Variants in CTNND2 observed in about 807,000 individuals in gnomAD.
CTNND2 encodes the protein catenin delta 2.
A neutral mutation model predicts 144.4 loss-of-function variants in CTNND2; 22 were observed. The ratio of observed to expected loss-of-function variants is 0.15; its 90% CI spans 0.11 to 0.22. The LOEUF is 0.22. Among genes scored for constraint, CTNND2 ranks in the 10% least tolerant of loss-of-function variants. The pLI, the probability that CTNND2 is intolerant of heterozygous loss-of-function variation, is 1.00. For missense variants in CTNND2, 1,353 were observed against 1,618.8 expected (o/e 0.84, Z 2.82); for synonymous variants, 751 against 695.6 (o/e 1.08, Z -1.25).
At chr5:11,520,253 A>C (rs1420178562) in intron 3 of CTNND2, among the ~76,000 whole-genome samples, 1 of 152,108 alleles carries the variant, frequency 6.6e-6, no homozygotes, top group Non-Finnish European at 1.5e-5. Context: ...TGCATGCTGC[A>C]CCCCTCAGTA....
At chr5:11,327,250 G>A (rs1752624448) in intron 9 of CTNND2, among the ~76,000 whole-genome samples, 1 of 152,178 alleles carries the variant, frequency 6.6e-6, no homozygotes, top group Admixed American at 6.6e-5. Flanking sequence ...CTTTCAGCAA[G>A]TATAAGTGAT....
At chr5:11,590,544 T>C (rs1267708287) in intron 2 of CTNND2, among the ~76,000 whole-genome samples, 5 of 152,054 alleles carry the variant, frequency 3.3e-5, no homozygotes, top group Non-Finnish European at 5.9e-5. Context: ...CTTTGTGATA[T>C]TCCCCCGTCC....
At chr5:11,283,272 G>A (rs981344427) in intron 9 of CTNND2, among the ~76,000 whole-genome samples, 2 of 152,028 alleles carry the variant, frequency 1.3e-5, no homozygotes, top group African/African-American at 4.8e-5. Context: ...CCCATGCCCA[G>A]TGTACAAGTA....
chr5:11,207,960 C>T (rs1345678696), intron 10 of CTNND2, among the ~76,000 whole-genome samples: 1 of 151,906 alleles, frequency 6.6e-6, no homozygotes, highest in Non-Finnish European at 1.5e-5. Flanking sequence ...ATGAAAAAAC[C>T]TTTTGGAATT....
chr5:11,748,048 A>C (rs146849341), intron 1 of CTNND2, among the ~76,000 whole-genome samples: 272 of 152,274 alleles, frequency 1.8e-3, no homozygotes, highest in African/African-American at 6.4e-3. Flanking sequence ...CACTCAGCCC[A>C]TATGTTTAAC....
intron 2 of CTNND2, among the ~76,000 whole-genome samples, chr5:11,631,123 A>G (rs557890316): frequency 6.3e-4 from 96 of 152,266 alleles, no homozygotes; most frequent in Non-Finnish European, 1.2e-3. Flanking sequence ...AAGAAAGTCC[A>G]TTCAATAAAG....
In CTNND2 at chr5:11,682,521, T is replaced by G. The variant is rs79208458; in HGVS notation, c.174+49615A>C. Among the ~76,000 whole-genome samples the G allele has an allele frequency of 8.5e-3, 1,302 of 152,352 alleles. 19 individuals carry two copies. Among genetic ancestry groups the G allele is most frequent in the African/African-American group, 0.03 (1,252 of 41,578 alleles). On this transcript the variant is annotated intron_variant, in intron 2 of 21. Coordinates refer to ENST00000304623, the MANE Select transcript of CTNND2 (RefSeq NM_001332.4). The stretch of plus-strand genomic sequence containing the variant: ...CAAATGTATACTGGAAGGATATTTC[T>G]TTGTGTAAATTTAGAGAAAAAAGGT...
chr5:11,704,159 T>A (rs1054572971), intron 2 of CTNND2, among the ~76,000 whole-genome samples: 8 of 152,218 alleles, frequency 5.3e-5, no homozygotes, highest in African/African-American at 1.9e-4. Context: ...ATTAATTATC[T>A]AAGAAGCCTC....
rs142913401 is a variant in CTNND2 at position 11,573,166 on chromosome 5, A to G, written c.175-8110T>C. On this transcript the variant is annotated intron_variant, in intron 2 of 21. Transcript: ENST00000304623. ...CCTTATTGAGTCAACATTGGAATAA[A>G]TAAGTTAATACATGTGAAGCACTTA... 2.7e-3 allele frequency among the ~76,000 whole-genome samples: 418 copies of G among 152,332 alleles called. 1 individual carries two copies. The highest frequency in any genetic ancestry group is 9.6e-3 in the African/African-American group (401 of 41,580).
intron 1 of CTNND2, among the ~76,000 whole-genome samples, chr5:11,859,523 C>T (rs1219525702): frequency 1.3e-5 from 2 of 152,134 alleles, no homozygotes; most frequent in Non-Finnish European, 2.9e-5. Flanking sequence ...TATGTCTACA[C>T]GGCTCTGGGG....
At chr5:11,419,138 C>T (rs189467008) in intron 3 of CTNND2, among the ~76,000 whole-genome samples, 13 of 151,564 alleles carry the variant, frequency 8.6e-5, no homozygotes, top group Non-Finnish European at 1.3e-4. Context: ...GGTGGCTCTA[C>T]AGGGGGTCAG....
intron 3 of CTNND2, among the ~76,000 whole-genome samples, chr5:11,462,055 C>T (rs1766269465): frequency 6.6e-6 from 1 of 152,048 alleles, no homozygotes; most frequent in Non-Finnish European, 1.5e-5. Flanking sequence ...GACCAGATCA[C>T]AGTGGTTTCA....
chr5:11,742,025 TAC>T (rs1248251473), intron 1 of CTNND2, among the ~76,000 whole-genome samples: 1 of 150,920 alleles, frequency 6.6e-6, no homozygotes, highest in African/African-American at 2.4e-5. Flanking sequence ...ATAATAATAA[TAC>T]AATGGACTTT....
At chr5:11,657,558 G>C (rs986751149) in intron 2 of CTNND2, among the ~76,000 whole-genome samples, 2 of 151,786 alleles carry the variant, frequency 1.3e-5, no homozygotes, top group African/African-American at 4.8e-5. Context: ...AGTGTCTCAG[G>C]TTTTATGAGT....
Position 11,588,904 on chromosome 5 carries a change from C to T in CTNND2, c.175-23848G>A, listed in dbSNP as rs542935669. The T allele has an allele frequency of 1.3e-4, 124 of 985,360 alleles. No individual in the cohort carries two copies. The African/African-American group carries it at 1.9e-3, about 15-fold the overall frequency. The allele number at this position is 985,360 out of a possible 1,614,324, so 61.0% of individuals were successfully genotyped here. ...ACCTCCCTCCTCCCTCCCTGCACCA[C>T]GGCTAAAAGGAACCACAGAGCAGCT... is the stretch of plus-strand genomic sequence containing the variant. On this transcript the variant is annotated intron_variant, in intron 2 of 21. Coordinates refer to ENST00000304623, the MANE Select transcript of CTNND2 (RefSeq NM_001332.4).
Position 11,787,247 on chromosome 5 carries a change from C to T in CTNND2, c.38-54975G>A, listed in dbSNP as rs114084280. Among the ~76,000 whole-genome samples, 1,080 of 152,320 alleles carry T rather than the reference C, an allele frequency of 7.1e-3. 7 individuals are homozygous for T. The highest frequency in any genetic ancestry group is 0.013 in the Non-Finnish European group (874 of 68,030). ...ACTAGAGCTAAGCAAAACTGTTACG[C>T]ATGTGCACAACTAGTTTGGACAGTC... On this transcript the variant is annotated intron_variant, in intron 1 of 21. Coordinates refer to ENST00000304623, the MANE Select transcript of CTNND2 (RefSeq NM_001332.4).
chr5:11,172,661 T>C (rs16901347), intron 11 of CTNND2, among the ~76,000 whole-genome samples: 37,182 of 152,126 alleles, frequency 0.24, 5,888 homozygotes, highest in African/African-American at 0.46. Flanking sequence ...ATGTGGTATG[T>C]GGTTAAGGAT....
At chr5:11,770,869 G>C (rs1164472161) in intron 1 of CTNND2, among the ~76,000 whole-genome samples, 1 of 152,108 alleles carries the variant, frequency 6.6e-6, no homozygotes, top group African/African-American at 2.4e-5. Context: ...TGAGAAGAGA[G>C]ACAGAGACTG....
At chr5:11,275,238 G>T (rs539899640) in intron 9 of CTNND2, among the ~76,000 whole-genome samples, 1 of 152,272 alleles carries the variant, frequency 6.6e-6, no homozygotes, top group Non-Finnish European at 1.5e-5. Context: ...GAGTCACAAA[G>T]ACACAAGTAA....
Sources: allele counts gnomAD v4.1 joint callset (sites outside exome capture counted in the v4.1 genomes callset), GRCh38; gene constraint gnomAD v4.1.1; transcripts MANE v1.5; gene names NCBI Gene and HGNC (gene_info 2026-07-23, HGNC 2026-07-21).